Variants in BCAR3 observed in about 807,000 individuals in gnomAD.
BCAR3 encodes breast cancer anti-estrogen resistance protein 3.
BCAR3 carries 37 observed loss-of-function variants against 80.1 expected under a neutral mutation model. That is an observed-to-expected ratio of 0.46 (90% CI 0.36 to 0.61). BCAR3 has a LOEUF of 0.61. Among genes scored for constraint, BCAR3 ranks in the 20% least tolerant of loss-of-function variants. BCAR3 has a pLI of 0.00. For synonymous variants in BCAR3, 389 were observed against 418.9 expected, an observed-to-expected ratio of 0.93 and a Z score of 0.87; for missense variants, 978 against 1,068.2, an observed-to-expected ratio of 0.92 and a Z score of 1.18.
At chr1:93,683,363 T>C (rs1648867677), upstream of BCAR3, among the ~76,000 whole-genome samples, 1 of 152,178 alleles carries the variant, frequency 6.6e-6, no homozygotes, top group South Asian at 2.1e-4. Flanking sequence ...CAAAATGAAC[T>C]TTTTACAACC....
intron 2 of BCAR3, among the ~76,000 whole-genome samples, chr1:93,796,510 C>T (rs906816458): frequency 4.7e-5 from 7 of 150,288 alleles, no homozygotes; most frequent in Non-Finnish European, 1.0e-4. Context: ...CCCCCTGCTT[C>T]GGCTCGCGCA....
chr1:93,783,323 C>T (rs1224596736), intron 2 of BCAR3, among the ~76,000 whole-genome samples: 1 of 152,176 alleles, frequency 6.6e-6, no homozygotes, highest in Non-Finnish European at 1.5e-5. Flanking sequence ...TCAGTACCAA[C>T]GCTTCCTACT....
At chr1:93,688,729 G>A (rs1649060515) in intron 3 of BCAR3, among the ~76,000 whole-genome samples, 1 of 152,070 alleles carries the variant, frequency 6.6e-6, no homozygotes, top group African/African-American at 2.4e-5. Flanking sequence ...CCTAGTAGCT[G>A]GGATTACAGG....
intron 3 of BCAR3, among the ~76,000 whole-genome samples, chr1:93,704,432 G>A (rs1649765536): frequency 6.6e-6 from 1 of 152,186 alleles, no homozygotes; most frequent in Non-Finnish European, 1.5e-5. Context: ...GGTAGGTACT[G>A]CTATTCTCAT....
intron 2 of BCAR3, among the ~76,000 whole-genome samples, chr1:93,748,506 C>A (rs1211250971): frequency 2.0e-5 from 3 of 152,176 alleles, no homozygotes; most frequent in Non-Finnish European, 4.4e-5. Context: ...ATTATTAATG[C>A]CATTCCAGAC....
chr1:93,632,721 C>G (rs1277270120), intron 3 of BCAR3, among the ~76,000 whole-genome samples: 1 of 152,146 alleles, frequency 6.6e-6, no homozygotes, highest in African/African-American at 2.4e-5. Flanking sequence ...AAAACTGGAA[C>G]TTTATGTAAT....
intron 2 of BCAR3, among the ~76,000 whole-genome samples, chr1:93,647,119 A>T (rs908665847): frequency 6.6e-6 from 1 of 152,242 alleles, no homozygotes; most frequent in African/African-American, 2.4e-5. Flanking sequence ...GTTATGTCTA[A>T]AACAAGGTAA....
intron 3 of BCAR3, among the ~76,000 whole-genome samples, chr1:93,610,920 C>CAA (rs11396715): frequency 5.7e-5 from 8 of 139,522 alleles, no homozygotes; most frequent in African/African-American, 2.1e-4. Context: ...AACTACGTCT[C>CAA]AAAAAAAAAA....
intron 2 of BCAR3, among the ~76,000 whole-genome samples, chr1:93,735,837 T>C (rs1650954853): frequency 6.6e-6 from 1 of 152,232 alleles, no homozygotes; most frequent in Admixed American, 6.5e-5. Context: ...CAAACTTCCT[T>C]AGGAGTTTGA....
At chr1:93,571,864 T>C (rs769859349) in intron 8 of BCAR3, 23 bp from the exon 9 acceptor site, 1 of 1,606,562 alleles carries the variant, frequency 6.2e-7, no homozygotes, top group Non-Finnish European at 8.5e-7. Context: ...AGATCAGCGG[T>C]CAGGTTCAGG....
chr1:93,731,584 G>T (rs959036311), intron 2 of BCAR3, among the ~76,000 whole-genome samples: 3 of 151,976 alleles, frequency 2.0e-5, no homozygotes, highest in Non-Finnish European at 4.4e-5. Context: ...AACATGTTCT[G>T]AATGGGATAA....
chr1:93,814,473 C>T (rs186834300), intron 2 of BCAR3, among the ~76,000 whole-genome samples: 2 of 152,190 alleles, frequency 1.3e-5, no homozygotes, highest in African/African-American at 2.4e-5. Flanking sequence ...GACTTCTAGG[C>T]GGGCAGGGCC....
intron 2 of BCAR3, among the ~76,000 whole-genome samples, chr1:93,818,610 C>A (rs1352184538): frequency 2.0e-5 from 3 of 152,214 alleles, no homozygotes; most frequent in South Asian, 4.1e-4. Context: ...ACAGTACTTT[C>A]CATCATTAAT....
intron 2 of BCAR3, among the ~76,000 whole-genome samples, chr1:93,815,809 T>C (rs1653998209): frequency 6.6e-6 from 1 of 152,196 alleles, no homozygotes; most frequent in Admixed American, 6.5e-5. Context: ...GGAGTTCTAA[T>C]GTAATTTTAC....
chr1:93,588,179 C>A (rs535954630), intron 5 of BCAR3, among the ~76,000 whole-genome samples: 2 of 152,250 alleles, frequency 1.3e-5, no homozygotes, highest in South Asian at 2.1e-4. Flanking sequence ...TGGACTGTGG[C>A]ACTCAACAAG....
intron 3 of BCAR3, among the ~76,000 whole-genome samples, chr1:93,618,284 G>A (rs1356764199): frequency 2.0e-5 from 3 of 152,246 alleles, no homozygotes; most frequent in Non-Finnish European, 4.4e-5. Flanking sequence ...GGTGAACACA[G>A]ACAGTACATT....
At chr1:93,630,421 T>C (rs1485010106) in intron 3 of BCAR3, among the ~76,000 whole-genome samples, 2 of 151,728 alleles carry the variant, frequency 1.3e-5, no homozygotes, top group Non-Finnish European at 2.9e-5. Context: ...CTCACAAGTT[T>C]GAGACCAGCC....
chr1:93,648,656 C>A (rs922772787), intron 2 of BCAR3: 1 of 152,202 alleles, frequency 6.6e-6, no homozygotes, highest in African/African-American at 2.4e-5. Context: ...ATTAAACCTT[C>A]CTAATTCATA....
At chr1:93,712,165 T>C (rs915858617) in intron 2 of BCAR3, among the ~76,000 whole-genome samples, 1 of 152,238 alleles carries the variant, frequency 6.6e-6, no homozygotes, top group African/African-American at 2.4e-5. Context: ...TAGCAGGCAC[T>C]GAATAAATGT....
Sources: gnomAD v4.1 joint callset for allele counts (sites outside exome capture counted in the v4.1 genomes callset) on GRCh38, gnomAD v4.1.1 for gene constraint, MANE v1.5 for transcripts, NCBI Gene and HGNC (gene_info 2026-07-23, HGNC 2026-07-21) for gene names.